Variants in ANKRD36B observed in about 807,000 individuals in gnomAD.
The protein encoded by ANKRD36B is ankyrin repeat domain-containing protein 36B.
Under a neutral mutation model 135.7 loss-of-function variants are expected in ANKRD36B, and 37 were observed. The ratio of observed to expected loss-of-function variants is 0.27; its 90% CI spans 0.21 to 0.36. The LOEUF is 0.36. ANKRD36B is among the 10% of genes least tolerant of loss of function. ANKRD36B has a pLI of 1.00. For missense variants in ANKRD36B, 549 were observed against 1,037.1 expected, an observed-to-expected ratio of 0.53 and a Z score of 6.46; for synonymous variants, 179 against 348.1, an observed-to-expected ratio of 0.51 and a Z score of 5.41.
intron 8 of ANKRD36B, 28 bp from the exon 9 acceptor site, chr2:97,559,022 C>G: frequency 5.6e-6 from 9 of 1,602,506 alleles, no homozygotes; most frequent in Non-Finnish European, 7.6e-6. Flanking sequence ...AACATAATCA[C>G]TCACATGTAC....
At chr2:97,567,280 TACC>T (rs2081513201) in intron 6 of ANKRD36B, among the ~76,000 whole-genome samples, 2 of 148,570 alleles carry the variant, frequency 1.3e-5, no homozygotes, top group Non-Finnish European at 3.0e-5. Flanking sequence ...TGAATACAGC[TACC>T]TGGATGCTCT....
chr2:97,529,058 C>G lies in ANKRD36B; in HGVS notation c.2265+3253G>C, dbSNP rs1390452225. Reference sequence around the variant, plus strand: ...ATCCTCCCTAACTCATTTTATGAGGCCAGCATCATCCTGATACCAAAGCTG... The same window carrying G: ...ATCCTCCCTAACTCATTTTATGAGGGCAGCATCATCCTGATACCAAAGCTG... On this transcript the variant is annotated intron_variant, in intron 35 of 43. Coordinates refer to ENST00000359901, the MANE Select transcript of ANKRD36B (RefSeq NM_001393939.1). Among the ~76,000 whole-genome samples, 4 of 96,514 alleles carry G rather than the reference C, an allele frequency of 4.1e-5. 2 individuals carry two copies. The allele number at this position is 96,514 out of a possible 152,430, so 63.3% of individuals were successfully genotyped here. A position where few individuals can be genotyped will look rare whatever the true frequency, so the allele number is the denominator to read the frequency against.
Position 97,560,746 on chromosome 2 carries a change from G to T in ANKRD36B, c.793-9C>A. 1.9e-6 allele frequency: 3 copies of T among 1,599,484 alleles called. No homozygotes were observed. Among genetic ancestry groups the T allele is most frequent in the Non-Finnish European group, 2.5e-6 (3 of 1,177,796 alleles). On this transcript the variant is annotated splice_polypyrimidine_tract_variant and intron_variant, in intron 7 of 43. Coordinates refer to ENST00000359901, the MANE Select transcript of ANKRD36B (RefSeq NM_001393939.1). Reference sequence around the variant, plus strand: ...TTGTCGTCACTTGTAGCCTGAATGGGATTTGAAACAAAATAATCAATATGT... The same window carrying T: ...TTGTCGTCACTTGTAGCCTGAATGGTATTTGAAACAAAATAATCAATATGT...
At chr2:97,546,156 G>C (rs1235119405) in intron 22 of ANKRD36B, among the ~76,000 whole-genome samples, 2 of 151,724 alleles carry the variant, frequency 1.3e-5, no homozygotes, top group Non-Finnish European at 3.0e-5. Context: ...TGAGGACAAA[G>C]TGATCTAAAA....
intron 6 of ANKRD36B, among the ~76,000 whole-genome samples, chr2:97,573,492 C>A (rs1164712900): frequency 3.9e-5 from 6 of 151,996 alleles, no homozygotes; most frequent in African/African-American, 1.5e-4. Flanking sequence ...CAATGCCATC[C>A]CCATCAAGCT....
chr2:97,553,101 A>G, intron 16 of ANKRD36B, 67 bp downstream of exon 16: 2 of 1,555,426 alleles, frequency 1.3e-6, no homozygotes, highest in South Asian at 1.1e-5. Flanking sequence ...GCGCTGATTT[A>G]TTAGGGGTAG....
At chr2:97,534,798 C>A (rs569954429) in intron 34 of ANKRD36B, among the ~76,000 whole-genome samples, 4 of 96,704 alleles carry the variant, frequency 4.1e-5, no homozygotes, top group African/African-American at 1.2e-4. Context: ...AATACAGCTA[C>A]CCACATGATC....
rs1489118534 is a variant in ANKRD36B, at chr2:97,498,241, G to A, written c.*7-5386C>T. 2.5e-3 allele frequency among the ~76,000 whole-genome samples: 214 copies of A among 86,668 alleles called. 2 individuals are homozygous for A. The highest frequency in any genetic ancestry group is 4.5e-3 in the Non-Finnish European group (162 of 36,002). The allele number at this position is 86,668 out of a possible 152,430, so 56.9% of individuals were successfully genotyped here. ...ATCAGTTTCTGAAGGAGAAGAAAAAGAAAAAGGCCTAGAAAGCATATTTAA... is the reference window on the plus strand; with the variant it reads ...ATCAGTTTCTGAAGGAGAAGAAAAAAAAAAAGGCCTAGAAAGCATATTTAA... On this transcript the variant is annotated intron_variant, in intron 43 of 43. Transcript: ENST00000359901.
At chr2:97,527,968 C>G (rs11904705) in intron 35 of ANKRD36B, among the ~76,000 whole-genome samples, 3,756 of 95,658 alleles carry the variant, frequency 0.039, 1,113 homozygotes, top group African/African-American at 0.11. Context: ...ACTTTAACAT[C>G]CCACTGTCAA....
In ANKRD36B at chr2:97,554,411, T is replaced by C. The variant is rs2922582; in HGVS notation, c.1171+649A>G. The stretch of plus-strand genomic sequence containing the variant: ...CTAATAGTAGCAAAGAGAAGTAATT[T>C]GTCAATGTGGTTTATCCCAATTCTA... On this transcript the variant is annotated intron_variant, in intron 14 of 43. Transcript: ENST00000359901. Among the ~76,000 whole-genome samples the C allele has an allele frequency of 6.6e-5, 10 of 152,066 alleles. 1 individual carries two copies. The South Asian group carries it at 2.1e-3, about 32-fold the overall frequency.
intron 35 of ANKRD36B, among the ~76,000 whole-genome samples, chr2:97,530,913 C>T (rs1471946798): frequency 1.0e-5 from 1 of 96,664 alleles, no homozygotes. Context: ...ACAACAGATG[C>T]TGGAGAGGAT....
In ANKRD36B at chr2:97,553,362, T is replaced by C. The variant is rs375177752; in HGVS notation, c.1181A>G (p.Gln394Arg). The C allele has an allele frequency of 1.2e-6, 2 of 1,609,560 alleles. No individual in the cohort carries two copies. Among genetic ancestry groups the C allele is most frequent in the African/African-American group, 2.7e-5 (2 of 74,654 alleles). Residue 394 changes from glutamine to arginine, a missense_variant, in exon 15 of 44, where the codon CAG (glutamine) becomes CGG (arginine). Coordinates refer to ENST00000359901, the MANE Select transcript of ANKRD36B (RefSeq NM_001393939.1). The part of the protein sequence containing the change: ...DGLQCGTVSS[Q>R]KQQALKATTD... ...AATTACCTTCAAGGCTTGTTGTTTCTGAGAAGACACTGAAAAGCAAAAGGG... is the reference window on the plus strand; with the variant it reads ...AATTACCTTCAAGGCTTGTTGTTTCCGAGAAGACACTGAAAAGCAAAAGGG...
intron 19 of ANKRD36B, 42 bp from the exon 20 acceptor site, chr2:97,549,533 G>A: frequency 6.2e-7 from 1 of 1,605,764 alleles, no homozygotes; most frequent in Non-Finnish European, 8.5e-7. Context: ...AATAAAGTAT[G>A]TTTCATAGAC....
chr2:97,561,863 C>G (rs2081053874), intron 6 of ANKRD36B, among the ~76,000 whole-genome samples: 1 of 151,846 alleles, frequency 6.6e-6, no homozygotes, highest in Non-Finnish European at 1.5e-5. Flanking sequence ...CCTCTGGTGC[C>G]CAATGGTAAC....
chr2:97,582,041 C>T (rs2082668731), intron 3 of ANKRD36B, among the ~76,000 whole-genome samples: 1 of 151,010 alleles, frequency 6.6e-6, no homozygotes, highest in Non-Finnish European at 1.5e-5. Flanking sequence ...ATCTTCTGAC[C>T]TCGTGATCTA....
intron 12 of ANKRD36B, among the ~76,000 whole-genome samples, chr2:97,555,640 G>C (rs1176929266): frequency 1.3e-5 from 2 of 152,004 alleles, no homozygotes; most frequent in East Asian, 3.9e-4. Context: ...GTATCAAAAG[G>C]ATTTACACTA....
chr2:97,565,336 T>G (rs2081349257), intron 6 of ANKRD36B, among the ~76,000 whole-genome samples: 1 of 151,888 alleles, frequency 6.6e-6, no homozygotes, highest in Admixed American at 6.6e-5. Context: ...TTTCTTCCTA[T>G]TTGAATACCG....
chr2:97,561,488 GC>G (rs1296628398), intron 6 of ANKRD36B, among the ~76,000 whole-genome samples: 1 of 151,776 alleles, frequency 6.6e-6, no homozygotes, highest in African/African-American at 2.4e-5. Context: ...TTCTAGTTTA[GC>G]CTTCCAAAAG....
At chr2:97,555,324 T>C (rs1193494888) in intron 12 of ANKRD36B, 70 bp from the exon 13 acceptor site, 1 of 1,597,182 alleles carries the variant, frequency 6.3e-7, no homozygotes, top group South Asian at 1.1e-5. Context: ...ATTCATGAAA[T>C]GTTAGCATCA....
Sources: allele counts gnomAD v4.1 joint callset (sites outside exome capture counted in the v4.1 genomes callset), GRCh38; gene constraint gnomAD v4.1.1; transcripts MANE v1.5; gene names NCBI Gene and HGNC (gene_info 2026-07-23, HGNC 2026-07-21).